DAPP1: variants seen among roughly 807,000 people sequenced by gnomAD.
DAPP1 encodes dual adaptor of phosphotyrosine and 3-phosphoinositides 1.
Under a neutral mutation model 41.5 loss-of-function variants are expected in DAPP1, and 20 were observed. The observed-to-expected ratio is 0.48, with a 90% CI of 0.34 to 0.70. The LOEUF is 0.70. Among genes scored for constraint, DAPP1 ranks in the 30% least tolerant of loss-of-function variants. DAPP1 has a pLI of 0.01. For synonymous variants in DAPP1, 113 were observed against 116.2 expected, an observed-to-expected ratio of 0.97 and a Z score of 0.18; for missense variants, 233 against 333.4, an observed-to-expected ratio of 0.70 and a Z score of 2.35.
intron 1 of DAPP1, among the ~76,000 whole-genome samples, chr4:99,834,078 G>A (rs1359797043): frequency 6.6e-6 from 1 of 152,144 alleles, no homozygotes; most frequent in Non-Finnish European, 1.5e-5. Context: ...AGCAACCCCC[G>A]GGGCCACAAT....
intron 1 of DAPP1, among the ~76,000 whole-genome samples, chr4:99,822,620 C>T (rs567714834): frequency 6.6e-6 from 1 of 152,260 alleles, no homozygotes; most frequent in African/African-American, 2.4e-5. Context: ...AACTCAGACC[C>T]ACCCAGTCCC....
chr4:99,856,329 G>A (rs986055163), intron 4 of DAPP1, among the ~76,000 whole-genome samples: 3 of 152,184 alleles, frequency 2.0e-5, no homozygotes, highest in Non-Finnish European at 4.4e-5. Flanking sequence ...GGAACCATTA[G>A]TAAGAGATTT....
At chr4:99,866,670 C>A in intron 8 of DAPP1, 1 of 753,630 alleles carries the variant, frequency 1.3e-6, no homozygotes, top group Non-Finnish European at 2.4e-6. Flanking sequence ...CATGTGCTTG[C>A]AAGTTAGTGA....
chr4:99,866,990 G>A (rs1005285527), intron 8 of DAPP1, among the ~76,000 whole-genome samples: 2 of 151,826 alleles, frequency 1.3e-5, no homozygotes, highest in Non-Finnish European at 1.5e-5. Context: ...GGGTGGTCTC[G>A]AACTTCTCAC....
intron 3 of DAPP1, among the ~76,000 whole-genome samples, chr4:99,842,122 G>T (rs17029583): frequency 0.5 from 75,743 of 152,008 alleles, 19,585 homozygotes; most frequent in African/African-American, 0.64. Flanking sequence ...CTAAGGATGC[G>T]CCAAAATAAA....
At chr4:99,850,365 G>A (rs1045447356) in intron 3 of DAPP1, among the ~76,000 whole-genome samples, 1 of 151,838 alleles carries the variant, frequency 6.6e-6, no homozygotes, top group Admixed American at 6.6e-5. Context: ...AGCTGAGATC[G>A]TGACATTGCA....
chr4:99,825,780 AG>A (rs1400047468), intron 1 of DAPP1, among the ~76,000 whole-genome samples: 2 of 152,162 alleles, frequency 1.3e-5, no homozygotes, highest in African/African-American at 4.8e-5. Context: ...CTATTTGAAC[AG>A]GGTCCATTGC....
intron 1 of DAPP1, among the ~76,000 whole-genome samples, chr4:99,821,359 G>T (rs114716255): frequency 0.011 from 1,751 of 152,280 alleles, 41 homozygotes; most frequent in African/African-American, 0.039. Flanking sequence ...TGTAAGTAGT[G>T]GAGCTGAGAG....
At chr4:99,825,094 C>G (rs1247307159) in intron 1 of DAPP1, among the ~76,000 whole-genome samples, 2 of 152,136 alleles carry the variant, frequency 1.3e-5, no homozygotes, top group African/African-American at 2.4e-5. Flanking sequence ...TTTCTCTGCC[C>G]CTGTCTCCTG....
In DAPP1 at chr4:99,868,400, C is replaced by G. The variant is rs1314959389; in HGVS notation, c.*215C>G. 1 of 571,520 alleles carries G rather than the reference C, an allele frequency of 1.7e-6. No individual in the cohort carries two copies. The highest frequency in any genetic ancestry group is 3.0e-5 in the East Asian group (1 of 33,696). The allele number at this position is 571,520 out of a possible 1,614,324, so 35.4% of individuals were successfully genotyped here. On this transcript the variant is annotated 3_prime_UTR_variant, in exon 9 of 9. Coordinates refer to ENST00000512369, the MANE Select transcript of DAPP1 (RefSeq NM_014395.3). ...ATCTCCTTGAGAACACTGAAGCAAT[C>G]ACCATTCTGATAGAAAGTGCTTAAA...
At chr4:99,867,556 C>T (rs1412000206) in intron 8 of DAPP1, among the ~76,000 whole-genome samples, 3 of 152,180 alleles carry the variant, frequency 2.0e-5, no homozygotes, top group Admixed American at 6.5e-5. Context: ...AAAATGTGTA[C>T]GGCTACTTTG....
intron 2 of DAPP1, among the ~76,000 whole-genome samples, chr4:99,838,862 CAAGAT>C (rs1723391796): frequency 6.6e-6 from 1 of 152,092 alleles, no homozygotes; most frequent in Non-Finnish European, 1.5e-5. Flanking sequence ...TAAAAGAAAG[CAAGAT>C]AAGTGTTTAG....
intron 4 of DAPP1, among the ~76,000 whole-genome samples, chr4:99,854,947 C>A (rs544522927): frequency 6.6e-6 from 1 of 152,332 alleles, no homozygotes; most frequent in East Asian, 1.9e-4. Context: ...ACAGCCTAGC[C>A]TGGCTCATGG....
chr4:99,855,617 C>G (rs1346867968), intron 4 of DAPP1, among the ~76,000 whole-genome samples: 2 of 151,710 alleles, frequency 1.3e-5, no homozygotes, highest in Non-Finnish European at 2.9e-5. Flanking sequence ...TCACTATGGA[C>G]AAAAAAAATG....
At chr4:99,854,681 A>G (rs1723983926) in intron 4 of DAPP1, among the ~76,000 whole-genome samples, 2 of 152,156 alleles carry the variant, frequency 1.3e-5, no homozygotes, top group Admixed American at 1.3e-4. Context: ...CTCTCCCTAC[A>G]TCTGAAATGC....
At chr4:99,842,776 T>C (rs1414808914) in intron 3 of DAPP1, among the ~76,000 whole-genome samples, 2 of 152,240 alleles carry the variant, frequency 1.3e-5, no homozygotes, top group African/African-American at 4.8e-5. Context: ...GCTCCTAGTA[T>C]TGGCTCCCAG....
chr4:99,861,530 G>A (rs570096320), intron 4 of DAPP1, 48 bp from the exon 5 acceptor site: 48 of 1,535,492 alleles, frequency 3.1e-5, no homozygotes, highest in South Asian at 8.4e-5. Context: ...AAGGACAAAC[G>A]TCCTGTTGTG....
chr4:99,859,807 C>T (rs1271287430), intron 4 of DAPP1, among the ~76,000 whole-genome samples: 4 of 152,214 alleles, frequency 2.6e-5, no homozygotes, highest in African/African-American at 4.8e-5. Context: ...TCCACCCCTT[C>T]AGGCAGAAGC....
intron 3 of DAPP1, among the ~76,000 whole-genome samples, chr4:99,849,673 G>C (rs1723788602): frequency 6.6e-6 from 1 of 152,168 alleles, no homozygotes; most frequent in African/African-American, 2.4e-5. Flanking sequence ...ACGTCCACAT[G>C]TCTCCCTGGA....
Sources: allele counts gnomAD v4.1 joint callset (sites outside exome capture counted in the v4.1 genomes callset), GRCh38; gene constraint gnomAD v4.1.1; transcripts MANE v1.5; gene names NCBI Gene and HGNC (gene_info 2026-07-23, HGNC 2026-07-21).